The following CLDN7 variants were observed in gnomAD, a reference collection of about 807,000 sequenced individuals.
CLDN7 encodes claudin-7.
A neutral mutation model predicts 20.3 loss-of-function variants in CLDN7; 15 were observed. The ratio of observed to expected loss-of-function variants is 0.74; its 90% CI spans 0.49 to 1.14. The LOEUF (loss-of-function observed/expected upper bound fraction) is 1.14. Among genes scored for constraint, CLDN7 ranks in the 50% most tolerant of loss-of-function variants. The pLI, the probability that CLDN7 is intolerant of heterozygous loss-of-function variation, is 0.00. For synonymous variants in CLDN7, 117 were observed against 106.1 expected, an observed-to-expected ratio of 1.10 and a Z score of -0.63; for missense variants, 261 against 274.2, an observed-to-expected ratio of 0.95 and a Z score of 0.34.
intron 2 of CLDN7, 22 bp downstream of exon 2, chr17:7,260,799 A>G: frequency 4.3e-6 from 7 of 1,614,236 alleles, no homozygotes; most frequent in Non-Finnish European, 5.9e-6. Flanking sequence ...CTCCTCCCAG[A>G]TGGGAGAACC....
rs768840213 is a variant in CLDN7 at position 7,260,486 on chromosome 17, A to C, written c.524T>G (p.Val175Gly). The C allele has an allele frequency of 2.5e-6, 4 of 1,613,218 alleles. No individual in the cohort carries two copies. The highest frequency in any genetic ancestry group is 3.4e-6 in the Non-Finnish European group (4 of 1,179,662). Reference sequence around the variant, plus strand: ...GGAGAGCAGTGCACCTCCCAGGATGACTAGGGCAGACCCTGCCCAGCCAAT... The same window carrying C: ...GGAGAGCAGTGCACCTCCCAGGATGCCTAGGGCAGACCCTGCCCAGCCAAT... ...IFIGWAGSAL[V>G]ILGGALLSCS... Residue 175 changes from valine (V) to glycine (G), a missense_variant, in exon 4 of 4, where the codon GTC becomes GGC. Physicochemically the swap from Val to Gly is moderately radical, Grantham distance 109. Coordinates refer to ENST00000360325, the MANE Select transcript of CLDN7 (RefSeq NM_001307.6).
rs944792185 is a variant in CLDN7, at chr17:7,261,750, G to C, written c.223+71C>G. On this transcript the variant is annotated intron_variant, in intron 1 of 3. Coordinates refer to ENST00000360325, the MANE Select transcript of CLDN7 (RefSeq NM_001307.6). ...CCAGGGCCCCCAGCCGTGGGGCCTC[G>C]GCTCTCCCACGCGCGCCACCCCGCC... is the stretch of plus-strand genomic sequence containing the variant. 12 of 1,489,134 alleles carry C rather than the reference G, an allele frequency of 8.1e-6. No homozygotes were observed. The East Asian group carries it at 3.1e-4, about 39-fold the overall frequency. The allele number at this position is 1,489,134 out of a possible 1,614,324, so 92.2% of individuals were successfully genotyped here. A position where few individuals can be genotyped will look rare whatever the true frequency, so the allele number is the denominator to read the frequency against.
rs774011626 is a variant in CLDN7, at chr17:7,260,994, G to A, written c.224-9C>T. 4 of 1,603,940 alleles carry A rather than the reference G, an allele frequency of 2.5e-6. No individual in the cohort carries two copies. In the Admixed American group the frequency reaches 5.1e-5, roughly 20 times the overall value. On this transcript the variant is annotated splice_polypyrimidine_tract_variant and intron_variant, in intron 1 of 3. Coordinates refer to ENST00000360325, the MANE Select transcript of CLDN7 (RefSeq NM_001307.6). ...AGTGGCCTGCAAGGCCGCTGCGGGC[G>A]AGGGGAAAGGGCGCCGTCATTGCTG... is the stretch of plus-strand genomic sequence containing the variant.
At position 7,259,931 on chromosome 17, in the gene CLDN7, TAAA is replaced by T. The variant is rs377718990; in HGVS notation, c.*440_*442del. 244 of 461,188 alleles carry T rather than the reference TAAA, an allele frequency of 5.3e-4. 3 individuals carry two copies. In the East Asian group the frequency reaches 8.8e-3, roughly 17 times the overall value. 28.6% of individuals were successfully genotyped at this position (461,188 alleles called of 1,614,324 possible). On this transcript the variant is annotated 3_prime_UTR_variant, in exon 4 of 4. Transcript: ENST00000360325. ...CTAATAAAAATCTTTATTTTTTTAT[TAAA>T]AAAGAAGTACTTTGGTAGCTATTTA...
chr17:7,261,144 G>A, intron 1 of CLDN7, 159 bp from the exon 2 acceptor site: 1 of 977,406 alleles, frequency 1.0e-6, no homozygotes, highest in Non-Finnish European at 1.5e-6. Context: ...TGGGCCAAGC[G>A]GGCAGGTCCC....
In CLDN7 at chr17:7,260,294, C is replaced by A; in HGVS notation, c.*80G>T. 6.8e-7 allele frequency: 1 copy of A among 1,460,436 alleles called. No homozygotes were observed. Among genetic ancestry groups the A allele is most frequent in the Middle Eastern group, 1.8e-4 (1 of 5,460 alleles). 90.5% of individuals were successfully genotyped at this position (1,460,436 alleles called of 1,614,324 possible). A position where few individuals can be genotyped will look rare whatever the true frequency, so the allele number is the denominator to read the frequency against. On this transcript the variant is annotated 3_prime_UTR_variant, in exon 4 of 4. Coordinates refer to ENST00000360325, the MANE Select transcript of CLDN7 (RefSeq NM_001307.6). ...AGGCCTTTGTCCGGCACCCTGCCCA[C>A]AGGCTGAGCTCAGCCCCAGGCCCTT...
Position 7,261,857 on chromosome 17 carries a change from T to C in CLDN7, c.187A>G (p.Ser63Gly). Reference protein sequence around the residue: ...DCVTQSTGMMSCKMYDSVLAL... With the variant: ...DCVTQSTGMMGCKMYDSVLAL... ...AGCACCGAGTCGTACATTTTGCAGC[T>C]CATCATCCCCGTGCTCTGCGTGACG... Residue 63 changes from serine (S) to glycine (G), a missense_variant, in exon 1 of 4, where the codon AGC (serine) becomes GGC (glycine). Physicochemically the swap from Ser to Gly is moderately conservative, Grantham distance 56 (BLOSUM62 0). Around this residue, in one of 2 missense-constraint regions of CLDN7, gnomAD observed 215 missense variants for 199.6 expected, o/e 1.08. Transcript: ENST00000360325. 2 of 1,614,012 alleles carry C rather than the reference T, an allele frequency of 1.2e-6. No individual in the cohort carries two copies. The highest frequency in any genetic ancestry group is 1.7e-6 in the Non-Finnish European group (2 of 1,180,042).
intron 3 of CLDN7, 21 bp downstream of exon 3, chr17:7,260,621 A>C (rs1299349293): frequency 6.2e-7 from 1 of 1,613,804 alleles, no homozygotes; most frequent in Non-Finnish European, 8.5e-7. Context: ...TCCCCTTAGG[A>C]GGCAGGGTTC....
At position 7,261,861 on chromosome 17, in the gene CLDN7, C is replaced by T. The variant is rs1186828683; in HGVS notation, c.183G>A (p.Met61Ile). 2.5e-6 allele frequency: 4 copies of T among 1,614,020 alleles called. No homozygotes were observed. The highest frequency in any genetic ancestry group is 2.7e-5 in the African/African-American group (2 of 74,960). ...WMDCVTQSTGMMSCKMYDSVL... is the reference protein window; with the variant it reads ...WMDCVTQSTGIMSCKMYDSVL... ...CCGAGTCGTACATTTTGCAGCTCAT[C>T]ATCCCCGTGCTCTGCGTGACGCAGT... is the stretch of plus-strand genomic sequence containing the variant. Residue 61 changes from methionine to isoleucine, a missense_variant, in exon 1 of 4, where the codon ATG becomes ATA. Met to Ile is a conservative substitution (Grantham distance 10). Around this residue, in one of 2 missense-constraint regions of CLDN7, gnomAD observed 215 missense variants for 199.6 expected, o/e 1.08. Transcript: ENST00000360325.
Position 7,260,827 on chromosome 17 carries a change from C to G in CLDN7, c.382G>C (p.Val128Leu). ...GGAGAACCCGGGGGCTCACCTGCCA[C>G]GATGAAAATTATGCCTCCACCCATG... is the stretch of plus-strand genomic sequence containing the variant. ...IAMGGGIIFI[V>L]AGLAALVACS... The change falls in exon 2 of 4, where the codon GTG becomes CTG. Residue 128 changes from valine to leucine, a missense_variant. By Grantham distance (32) the Val-to-Leu change is conservative. Coordinates refer to ENST00000360325, the MANE Select transcript of CLDN7 (RefSeq NM_001307.6). 6.2e-7 allele frequency: 1 copy of G among 1,614,224 alleles called. No individual in the cohort carries two copies.
chr17:7,260,231 G>T lies in CLDN7; in HGVS notation c.*143C>A. The T allele has an allele frequency of 3.3e-6, 2 of 597,346 alleles. No homozygotes were observed. Among genetic ancestry groups the T allele is most frequent in the Non-Finnish European group, 5.3e-6 (2 of 375,492 alleles). The allele number at this position is 597,346 out of a possible 1,614,324, so 37.0% of individuals were successfully genotyped here. On this transcript the variant is annotated 3_prime_UTR_variant, in exon 4 of 4. Transcript: ENST00000360325. ...CGGCACCCCCCCACCCCCAACCCAA[G>T]AGGACTATACATGGAGTGCAGGGAC... is the stretch of plus-strand genomic sequence containing the variant.
At position 7,260,555 on chromosome 17, in the gene CLDN7, G is replaced by T; in HGVS notation, c.474-19C>A. The T allele has an allele frequency of 6.2e-7, 1 of 1,611,662 alleles. No individual in the cohort carries two copies. Among genetic ancestry groups the T allele is most frequent in the Non-Finnish European group, 8.5e-7 (1 of 1,178,702 alleles). On this transcript the variant is annotated intron_variant, in intron 3 of 3. Transcript: ENST00000360325. ...CTCATACCTGTGAAGAGAAGGGGGT[G>T]GTTAGAAACCCTGGCGTGCCTCTGC...
Position 7,260,478 on chromosome 17 carries a change from C to G in CLDN7, c.532G>C (p.Gly178Arg). 1 of 1,613,678 alleles carries G rather than the reference C, an allele frequency of 6.2e-7. No homozygotes were observed. The highest frequency in any genetic ancestry group is 8.5e-7 in the Non-Finnish European group (1 of 1,179,812). ...GWAGSALVIL[G>R]GALLSCSCPG... ...CAGGAACAGGAGAGCAGTGCACCTCCCAGGATGACTAGGGCAGACCCTGCC... is the reference window on the plus strand; with the variant it reads ...CAGGAACAGGAGAGCAGTGCACCTCGCAGGATGACTAGGGCAGACCCTGCC... The change falls in exon 4 of 4, where the codon GGA becomes CGA. Residue 178 changes from glycine to arginine, a missense_variant. By Grantham distance (125) the Gly-to-Arg change is moderately radical (BLOSUM62 -2). Around this residue, in one of 2 missense-constraint regions of CLDN7, gnomAD observed 215 missense variants for 199.6 expected, o/e 1.08. Transcript: ENST00000360325.
chr17:7,261,760 C>T lies in CLDN7; in HGVS notation c.223+61G>A, dbSNP rs2072228733. 1.2e-5 allele frequency: 19 copies of T among 1,572,376 alleles called. No homozygotes were observed. The South Asian group carries it at 1.4e-4, about 11-fold the overall frequency. Reference sequence around the variant, plus strand: ...CAGCCGTGGGGCCTCGGCTCTCCCACGCGCGCCACCCCGCCACCTCGGTCA... The same window carrying T: ...CAGCCGTGGGGCCTCGGCTCTCCCATGCGCGCCACCCCGCCACCTCGGTCA... On this transcript the variant is annotated intron_variant, in intron 1 of 3. Coordinates refer to ENST00000360325, the MANE Select transcript of CLDN7 (RefSeq NM_001307.6).
intron 1 of CLDN7, chr17:7,261,254 G>C: frequency 1.9e-6 from 1 of 518,396 alleles, no homozygotes; most frequent in Non-Finnish European, 3.4e-6. Flanking sequence ...CCCTGGATAG[G>C]GGGAAGGGTG....
rs1333980478 is a variant in CLDN7, at chr17:7,262,143, A to G, written c.-100T>C. ...CCCCACAAAAGAAAACTTGAGGTGG[A>G]GTTTTCCGGTCACCCAAAGAGACAA... On this transcript the variant is annotated 5_prime_UTR_variant, in exon 1 of 4. Transcript: ENST00000360325. The surrounding 1 kb of genome is among the most constrained non-coding windows in gnomAD (Gnocchi z 6.6). The G allele has an allele frequency of 6.7e-7, 1 of 1,483,824 alleles. No homozygotes were observed. The highest frequency in any genetic ancestry group is 8.9e-7 in the Non-Finnish European group (1 of 1,119,692). The allele number at this position is 1,483,824 out of a possible 1,614,324, so 91.9% of individuals were successfully genotyped here. A position where few individuals can be genotyped will look rare whatever the true frequency, so the allele number is the denominator to read the frequency against.
chr17:7,260,882 T>TC lies in CLDN7; in HGVS notation c.326dup (p.Asp110ArgfsTer41), dbSNP rs1855845846. ...TACGGGCCTTCTTCACTTTGTCGTC[T>TC]CCCCCACAGCGCGTGCACTTCATGC... On this transcript the variant is annotated frameshift_variant, in exon 2 of 4. Transcript: ENST00000360325. LOFTEE classifies it high-confidence loss of function. The TC allele has an allele frequency of 2.6e-5, 42 of 1,614,046 alleles. No individual in the cohort carries two copies. Among genetic ancestry groups the TC allele is most frequent in the Non-Finnish European group, 3.5e-5 (41 of 1,179,996 alleles).
chr17:7,262,393 G>A lies in CLDN7; in HGVS notation c.-350C>T. 8.4e-7 allele frequency: 1 copy of A among 1,187,718 alleles called. No individual in the cohort carries two copies. The highest frequency in any genetic ancestry group is 1.1e-6 in the Non-Finnish European group (1 of 949,018). 73.6% of individuals were successfully genotyped at this position (1,187,718 alleles called of 1,614,324 possible). ...CCGTCTGGGCGCGTTTCTGAGCGCC[G>A]GCAAGTCCCAAAGTATCCTGGGCTG... On this transcript the variant is annotated 5_prime_UTR_variant, in exon 1 of 4. Transcript: ENST00000360325. This position sits in a 1 kb window ranked among gnomAD's most constrained non-coding sequence, Gnocchi z 6.6.
rs775220631 is a variant in CLDN7 at position 7,261,825 on chromosome 17, C to A, written c.219G>T (p.Leu73=). The A allele has an allele frequency of 6.2e-7, 1 of 1,612,658 alleles. No homozygotes were observed. The highest frequency in any genetic ancestry group is 1.7e-5 in the Admixed American group (1 of 60,036). The part of the protein sequence containing the change: ...SCKMYDSVLA[L]SAALQATRAL... Reference sequence around the variant, plus strand: ...CCGTCGGTCCCGCGGCCTTACCGGACAGGGCGAGCACCGAGTCGTACATTT... The same window carrying A: ...CCGTCGGTCCCGCGGCCTTACCGGAAAGGGCGAGCACCGAGTCGTACATTT... Residue 73 remains leucine, a synonymous_variant, in exon 1 of 4, where the codon CTG becomes CTT. Transcript: ENST00000360325.
Sources: allele counts gnomAD v4.1 joint callset, GRCh38; gene constraint gnomAD v4.1.1; regional missense constraint gnomAD v4.1.1; non-coding constraint Gnocchi (gnomAD v3.1); transcripts MANE v1.5; gene names NCBI Gene and HGNC (gene_info 2026-07-23, HGNC 2026-07-21).